Variants in SERPINA1 observed in about 807,000 individuals in gnomAD.
SERPINA1 encodes alpha-1-antitrypsin.
SERPINA1 carries 21 observed loss-of-function variants against 25.4 expected under a neutral mutation model. That is an observed-to-expected ratio of 0.83 (90% CI 0.59 to 1.19). The LOEUF (loss-of-function observed/expected upper bound fraction) is 1.19. Ranked by LOEUF, SERPINA1 falls within the 50% of genes most tolerant of loss-of-function variation. The probability of loss-of-function intolerance (pLI) is 0.00; values close to 1 mark genes in which losing one functional copy is unlikely to be tolerated. For synonymous variants in SERPINA1, 218 were observed against 211.1 expected, an observed-to-expected ratio of 1.03 and a Z score of -0.29; for missense variants, 546 against 509.0, an observed-to-expected ratio of 1.07 and a Z score of -0.70.
At position 94,383,225 on chromosome 14, in the gene SERPINA1, C is replaced by G; in HGVS notation, c.13G>C (p.Val5Leu). 4 of 1,612,356 alleles carry G rather than the reference C, an allele frequency of 2.5e-6. No homozygotes were observed. Among genetic ancestry groups the G allele is most frequent in the Non-Finnish European group, 3.4e-6 (4 of 1,179,906 alleles). Residue 5 changes from valine (V) to leucine (L), a missense_variant, in exon 2 of 5, where the codon GTC becomes CTC. By Grantham distance (32) the Val-to-Leu change is conservative (BLOSUM62 1). Coordinates refer to ENST00000393087, the MANE Select transcript of SERPINA1 (RefSeq NM_000295.5). ...GCCAGCAGGAGGATGCCCCACGAGACAGAAGACGGCATTGTCCTGCAAGAC... is the reference window on the plus strand; with the variant it reads ...GCCAGCAGGAGGATGCCCCACGAGAGAGAAGACGGCATTGTCCTGCAAGAC... MPSS[V>L]SWGILLLAGL... is the part of the protein sequence containing the mutation.
At position 94,377,085 on chromosome 14, in the gene SERPINA1, T is replaced by A. The variant is rs1896414225; in HGVS notation, c.*1364A>T. 1 of 152,238 alleles carries A rather than the reference T, an allele frequency of 6.6e-6. No homozygotes were observed. The allele number at this position is 152,238 out of a possible 1,614,324, so 9.4% of individuals were successfully genotyped here. A position where few individuals can be genotyped will look rare whatever the true frequency, so the allele number is the denominator to read the frequency against. On this transcript the variant is annotated 3_prime_UTR_variant, in exon 5 of 5. Transcript: ENST00000393087. The stretch of plus-strand genomic sequence containing the variant: ...GGTATCCATTGATTAGACTGAATCA[T>A]GTAGAATTGCTAATTTCACCATTTT...
rs774775536 is a variant in SERPINA1 at position 94,379,567 on chromosome 14, T to C, written c.962A>G (p.Tyr321Cys). 2 of 1,614,226 alleles carry C rather than the reference T, an allele frequency of 1.2e-6. No homozygotes were observed. The highest frequency in any genetic ancestry group is 1.7e-6 in the Non-Finnish European group (2 of 1,180,044). Residue 321 changes from tyrosine (Y) to cysteine (C), a missense_variant, in exon 4 of 5, where the codon TAT (tyrosine) becomes TGT (cysteine). Tyr to Cys is a radical substitution (Grantham distance 194). Transcript: ENST00000393087. The part of the protein sequence containing the change: ...HLPKLSITGT[Y>C]DLKSVLGQLG... ...TTGACCCAGGACGCTCTTCAGATCA[T>C]AGGTTCCAGTAATGGACAGTTTGGG...
chr14:94,383,482 T>G, intron 1 of SERPINA1: 1 of 572,586 alleles, frequency 1.7e-6, no homozygotes, highest in South Asian at 2.2e-5. Context: ...CTTGTAACAA[T>G]CCCGTGAGGT....
chr14:94,376,852 CTG>C lies in SERPINA1; in HGVS notation c.*1595_*1596del, dbSNP rs1253371653. On this transcript the variant is annotated 3_prime_UTR_variant, in exon 5 of 5. Coordinates refer to ENST00000393087, the MANE Select transcript of SERPINA1 (RefSeq NM_000295.5). ...CAAAGGCAGGTCTTACTAGCAATGA[CTG>C]GGGCTCAGAGAGGTTTGGCGACTTC... The C allele has an allele frequency of 2.0e-5, 3 of 152,206 alleles. No homozygotes were observed. Among genetic ancestry groups the C allele is most frequent in the African/African-American group, 7.2e-5 (3 of 41,440 alleles). 9.4% of individuals were successfully genotyped at this position (152,206 alleles called of 1,614,324 possible). A position where few individuals can be genotyped will look rare whatever the true frequency, so the allele number is the denominator to read the frequency against.
chr14:94,382,845 G>A lies in SERPINA1; in HGVS notation c.393C>T (p.Asp131=), dbSNP rs2139693281. The A allele has an allele frequency of 1.9e-6, 3 of 1,614,176 alleles. No individual in the cohort carries two copies. Among genetic ancestry groups the A allele is most frequent in the Non-Finnish European group, 2.5e-6 (3 of 1,180,014 alleles). Residue 131 remains aspartate, a synonymous_variant, in exon 2 of 5, where the codon GAC becomes GAT. Coordinates refer to ENST00000393087, the MANE Select transcript of SERPINA1 (RefSeq NM_000295.5). ...TGCCGGTGGTCAGCTGGAGCTGGCT[G>A]TCTGGCTGGTTGAGGGTACGGAGGA... ...QELLRTLNQP[D]SQLQLTTGNG...
intron 3 of SERPINA1, chr14:94,380,505 T>C (rs1158597074): frequency 2.9e-6 from 1 of 339,896 alleles, no homozygotes; most frequent in Admixed American, 4.2e-5. Flanking sequence ...CACACTCCAC[T>C]GCTGCCTTTG....
At position 94,381,163 on chromosome 14, in the gene SERPINA1, C is replaced by T. The variant is rs75900033; in HGVS notation, c.647-22G>A. The stretch of plus-strand genomic sequence containing the variant: ...TTGCCTGGAGAGAGGGGAAGGTGGG[C>T]ATCACCAGGGGTGAGTGAAGGTTTG... On this transcript the variant is annotated intron_variant, in intron 2 of 4. Transcript: ENST00000393087. The T allele has an allele frequency of 4.7e-4, 751 of 1,608,130 alleles. 2 individuals carry two copies. In the African/African-American group the frequency reaches 8.1e-3, roughly 17 times the overall value.
Position 94,381,017 on chromosome 14 carries a change from C to A in SERPINA1, c.771G>T (p.Lys257Asn), listed in dbSNP as rs376294932. 6.2e-7 allele frequency: 1 copy of A among 1,614,012 alleles called. No individual in the cohort carries two copies. The highest frequency in any genetic ancestry group is 8.5e-7 in the Non-Finnish European group (1 of 1,180,042). The part of the protein sequence containing the change: ...RLGMFNIQHC[K>N]KLSSWVLLMK... Reference sequence around the variant, plus strand: ...TCAGCAGCACCCAGCTGGACAGCTTCTTACAGTGCTGGATGTTAAACATGC... The same window carrying A: ...TCAGCAGCACCCAGCTGGACAGCTTATTACAGTGCTGGATGTTAAACATGC... The change falls in exon 3 of 5, where the codon AAG becomes AAT. Residue 257 changes from lysine to asparagine, a missense_variant. By Grantham distance (94) the Lys-to-Asn change is moderately conservative. Coordinates refer to ENST00000393087, the MANE Select transcript of SERPINA1 (RefSeq NM_000295.5).
intron 2 of SERPINA1, among the ~76,000 whole-genome samples, chr14:94,381,426 G>A (rs201523839): frequency 3.3e-5 from 5 of 152,126 alleles, no homozygotes; most frequent in Admixed American, 2.6e-4. Context: ...CATTTTTATT[G>A]GAATCATATG....
upstream of SERPINA1, chr14:94,388,750 ACGCTG>A (rs1218310770): frequency 2.0e-5 from 3 of 152,280 alleles, no homozygotes; most frequent in Non-Finnish European, 4.4e-5. Context: ...TCGCCCGCCT[ACGCTG>A]CCCGGACGCT....
chr14:94,388,353 G>A (rs1015704912), intron 1 of SERPINA1, among the ~76,000 whole-genome samples: 3 of 152,090 alleles, frequency 2.0e-5, no homozygotes, highest in Non-Finnish European at 4.4e-5. Context: ...AGGGGGGACC[G>A]GGCAGGACTG....
rs538544272 is a variant in SERPINA1 at position 94,380,331 on chromosome 14, C to T, written c.917+540G>A. ...TAATGTGTGGCTCATGTTTAAGTATCACTTACTACAGGACACCCAATCTAA... is the reference window on the plus strand; with the variant it reads ...TAATGTGTGGCTCATGTTTAAGTATTACTTACTACAGGACACCCAATCTAA... On this transcript the variant is annotated intron_variant, in intron 3 of 4. Transcript: ENST00000393087. Among the ~76,000 whole-genome samples the T allele has an allele frequency of 2.0e-5, 3 of 152,386 alleles. No homozygotes were observed. The East Asian group carries it at 5.8e-4, about 29-fold the overall frequency.
At chr14:94,379,416 C>G in intron 4 of SERPINA1, 48 bp downstream of exon 4, 1 of 1,609,000 alleles carries the variant, frequency 6.2e-7, no homozygotes, top group Non-Finnish European at 8.5e-7. Context: ...CCCACACATT[C>G]TTCCCTACAG....
At position 94,378,554 on chromosome 14, in the gene SERPINA1, G is replaced by A. The variant is rs764340766; in HGVS notation, c.1152C>T (p.Ile384=). The part of the protein sequence containing the change: ...AMFLEAIPMS[I]PPEVKFNKPF... ...GTTTGTTGAACTTGACCTCGGGGGG[G>A]ATAGACATGGGTATGGCCTCTAAAA... The change falls in exon 5 of 5, where the codon ATC becomes ATT. Residue 384 remains isoleucine (I), a synonymous_variant. Coordinates refer to ENST00000393087, the MANE Select transcript of SERPINA1 (RefSeq NM_000295.5). 1.9e-6 allele frequency: 3 copies of A among 1,613,916 alleles called. No homozygotes were observed. Among genetic ancestry groups the A allele is most frequent in the African/African-American group, 2.7e-5 (2 of 74,884 alleles).
intron 3 of SERPINA1, among the ~76,000 whole-genome samples, chr14:94,380,140 C>G (rs1344769469): frequency 1.3e-5 from 2 of 152,400 alleles, no homozygotes; most frequent in East Asian, 1.9e-4. Flanking sequence ...CTTTCTCAAC[C>G]CCTGGAGCAG....
chr14:94,383,272 CGAGT>C, intron 1 of SERPINA1, 31 bp from the exon 2 acceptor site: 1 of 1,598,158 alleles, frequency 6.3e-7, no homozygotes, highest in Non-Finnish European at 8.5e-7. Flanking sequence ...GGCCAGGCCC[CGAGT>C]CAAGGCACAT....
At chr14:94,383,442 C>G (rs1415126351) in intron 1 of SERPINA1, 1 of 603,960 alleles carries the variant, frequency 1.7e-6, no homozygotes. Flanking sequence ...GCACTGTTCT[C>G]CGTGCTCACA....
chr14:94,378,540 T>C lies in SERPINA1; in HGVS notation c.1166A>G (p.Lys389Arg), dbSNP rs1296584606. The C allele has an allele frequency of 6.2e-7, 1 of 1,614,040 alleles. No homozygotes were observed. The highest frequency in any genetic ancestry group is 8.5e-7 in the Non-Finnish European group (1 of 1,179,996). Reference protein sequence around the residue: ...AIPMSIPPEVKFNKPFVFLMI... With the variant: ...AIPMSIPPEVRFNKPFVFLMI... Reference sequence around the variant, plus strand: ...TAAGAAGACAAAGGGTTTGTTGAACTTGACCTCGGGGGGGATAGACATGGG... The same window carrying C: ...TAAGAAGACAAAGGGTTTGTTGAACCTGACCTCGGGGGGGATAGACATGGG... The change falls in exon 5 of 5, where the codon AAG becomes AGG. Residue 389 changes from lysine (K) to arginine (R), a missense_variant. By Grantham distance (26) the Lys-to-Arg change is conservative. Coordinates refer to ENST00000393087, the MANE Select transcript of SERPINA1 (RefSeq NM_000295.5).
chr14:94,383,398 T>G (rs1897101361), intron 1 of SERPINA1, 157 bp from the exon 2 acceptor site: 4 of 715,820 alleles, frequency 5.6e-6, no homozygotes, highest in Non-Finnish European at 9.4e-6. Context: ...ATCAGAAGAA[T>G]AGCAAAATGT....
Sources: allele counts gnomAD v4.1 joint callset (sites outside exome capture counted in the v4.1 genomes callset), GRCh38; gene constraint gnomAD v4.1.1; transcripts MANE v1.5; gene names NCBI Gene and HGNC (gene_info 2026-07-23, HGNC 2026-07-21).